The following PSD3 variants were observed in gnomAD, a reference collection of about 807,000 sequenced individuals.
PSD3 encodes the protein pleckstrin and Sec7 domain containing 3.
PSD3 carries 49 observed loss-of-function variants against 105.5 expected under a neutral mutation model. That is an observed-to-expected ratio of 0.46 (90% CI 0.37 to 0.59). PSD3 has a LOEUF of 0.59. PSD3 is among the 20% of genes least tolerant of loss of function. The pLI is 0.00. For synonymous variants in PSD3, 557 were observed against 457.8 expected, an observed-to-expected ratio of 1.22 and a Z score of -2.77; for missense variants, 1,561 against 1,263.8, an observed-to-expected ratio of 1.24 and a Z score of -3.57.
chr8:18,920,493 GATGTGATACTTTGAAATAGT>G (rs1820938387), intron 2 of PSD3, among the ~76,000 whole-genome samples: 1 of 152,176 alleles, frequency 6.6e-6, no homozygotes, highest in African/African-American at 2.4e-5. Flanking sequence ...TGCTTTCTTG[GATGTGATACTTTGAAATAGT>G]AAACAACTTT....
At chr8:19,080,881 A>T (rs1225145107) in intron 1 of PSD3, among the ~76,000 whole-genome samples, 1 of 152,208 alleles carries the variant, frequency 6.6e-6, no homozygotes, top group Non-Finnish European at 1.5e-5. Context: ...AGTCACTGCC[A>T]TTTTAAGACA....
At chr8:19,047,165 G>C (rs1382556990) in intron 1 of PSD3, among the ~76,000 whole-genome samples, 1 of 152,216 alleles carries the variant, frequency 6.6e-6, no homozygotes, top group Non-Finnish European at 1.5e-5. Flanking sequence ...AGCCTCGGCA[G>C]AGAAATTCAG....
intron 9 of PSD3, among the ~76,000 whole-genome samples, chr8:18,759,739 G>A (rs889623945): frequency 2.0e-5 from 3 of 151,282 alleles, no homozygotes; most frequent in Non-Finnish European, 2.9e-5. Context: ...ATTATGGGAC[G>A]GCCAATAACT....
At chr8:19,031,809 A>C (rs978605174) in intron 1 of PSD3, among the ~76,000 whole-genome samples, 2 of 152,222 alleles carry the variant, frequency 1.3e-5, no homozygotes, top group Non-Finnish European at 2.9e-5. Context: ...AGTCTCATAG[A>C]ACTGAACTAA....
At chr8:18,618,234 C>A (rs1183619457) in intron 11 of PSD3, among the ~76,000 whole-genome samples, 1 of 141,060 alleles carries the variant, frequency 7.1e-6, no homozygotes, top group African/African-American at 2.5e-5. Context: ...TTCCAGGTGT[C>A]CTGCCCTTCT....
intron 2 of PSD3, among the ~76,000 whole-genome samples, chr8:18,900,071 G>C (rs1214279127): frequency 6.6e-6 from 1 of 152,068 alleles, no homozygotes; most frequent in African/African-American, 2.4e-5. Flanking sequence ...TTTTCTTAAT[G>C]GTGTCTGGGA....
intron 1 of PSD3, among the ~76,000 whole-genome samples, chr8:18,964,682 G>A (rs995750806): frequency 6.6e-6 from 1 of 152,084 alleles, no homozygotes. Context: ...GTTCCGAACT[G>A]CCTAATTTTC....
intron 4 of PSD3, among the ~76,000 whole-genome samples, chr8:18,823,457 C>G (rs1016774703): frequency 2.0e-5 from 3 of 152,098 alleles, no homozygotes; most frequent in African/African-American, 7.2e-5. Flanking sequence ...GAATTCTCCC[C>G]TCCCCTTTAT....
At chr8:18,843,564 C>A (rs1357480383) in intron 4 of PSD3, among the ~76,000 whole-genome samples, 2 of 152,190 alleles carry the variant, frequency 1.3e-5, no homozygotes, top group Non-Finnish European at 1.5e-5. Context: ...TTCTCCTCTT[C>A]TAATAACAGC....
At chr8:19,078,552 T>A (rs1007835800) in intron 1 of PSD3, among the ~76,000 whole-genome samples, 4 of 152,076 alleles carry the variant, frequency 2.6e-5, no homozygotes, top group Non-Finnish European at 5.9e-5. Context: ...TTTTCTCCTC[T>A]GCTCTCTGCT....
chr8:18,833,016 T>A (rs1262393304), intron 4 of PSD3, among the ~76,000 whole-genome samples: 1 of 152,182 alleles, frequency 6.6e-6, no homozygotes, highest in Admixed American at 6.5e-5. Flanking sequence ...GAGGTTATAA[T>A]TGAGCAGCCA....
Position 18,531,554 on chromosome 8 carries a change from A to C in PSD3, c.*4189T>G, listed in dbSNP as rs1799632953. The C allele has an allele frequency of 1.3e-5, 2 of 152,302 alleles. No homozygotes were observed. Among genetic ancestry groups the C allele is most frequent in the African/African-American group, 4.8e-5 (2 of 41,462 alleles). 9.4% of individuals were successfully genotyped at this position (152,302 alleles called of 1,614,324 possible). ...AAGATGCTATAAGACTGGTGGAAAG[A>C]AATTTGCTGACATGTGGCAGAGCAG... On this transcript the variant is annotated 3_prime_UTR_variant, in exon 16 of 16. Transcript: ENST00000327040.
At chr8:18,791,596 T>A (rs1809724701) in intron 8 of PSD3, among the ~76,000 whole-genome samples, 1 of 152,138 alleles carries the variant, frequency 6.6e-6, no homozygotes, top group Admixed American at 6.6e-5. Flanking sequence ...GATTTAAGAC[T>A]TAAATGTGAA....
chr8:18,657,359 T>C (rs1808977078), intron 9 of PSD3, among the ~76,000 whole-genome samples: 1 of 152,256 alleles, frequency 6.6e-6, no homozygotes, highest in Admixed American at 6.5e-5. Flanking sequence ...CGTGTATTCT[T>C]AGCCAGTATC....
intron 9 of PSD3, among the ~76,000 whole-genome samples, chr8:18,722,379 C>A (rs1563199400): frequency 6.6e-6 from 1 of 152,212 alleles, no homozygotes; most frequent in East Asian, 1.9e-4. Flanking sequence ...CTAAAAATAT[C>A]CATGTTCTTA....
At chr8:18,892,227 CTTT>C (rs36035049) in intron 2 of PSD3, among the ~76,000 whole-genome samples, 1 of 144,308 alleles carries the variant, frequency 6.9e-6, no homozygotes, top group Non-Finnish European at 1.5e-5. Flanking sequence ...ACCATATAAA[CTTT>C]TTTTTTTTTT....
chr8:19,054,155 T>C (rs1216866695), intron 1 of PSD3, among the ~76,000 whole-genome samples: 1 of 152,194 alleles, frequency 6.6e-6, no homozygotes, highest in African/African-American at 2.4e-5. Context: ...TGCCATCCAG[T>C]GCTTTGGAAG....
intron 1 of PSD3, among the ~76,000 whole-genome samples, chr8:19,071,268 G>C (rs150235989): frequency 6.6e-6 from 1 of 152,068 alleles, no homozygotes; most frequent in East Asian, 1.9e-4. Context: ...GGGTTTTGCC[G>C]TGTTGGCCAG....
intron 4 of PSD3, among the ~76,000 whole-genome samples, chr8:18,821,789 A>AT (rs1812745582): frequency 7.2e-6 from 1 of 139,250 alleles, no homozygotes; most frequent in South Asian, 2.5e-4. Context: ...AATAATTTTG[A>AT]TTTTAAGTCA....
Sources: allele counts gnomAD v4.1 joint callset (sites outside exome capture counted in the v4.1 genomes callset), GRCh38; gene constraint gnomAD v4.1.1; transcripts MANE v1.5; gene names NCBI Gene and HGNC (gene_info 2026-07-23, HGNC 2026-07-21).